The following TNFRSF10D variants were observed in gnomAD, a reference collection of about 807,000 sequenced individuals.
TNFRSF10D encodes tumor necrosis factor receptor superfamily member 10D.
TNFRSF10D carries 28 observed loss-of-function variants against 42.1 expected under a neutral mutation model. The ratio of observed to expected loss-of-function variants is 0.66; its 90% confidence interval spans 0.49 to 0.91. The LOEUF (loss-of-function observed/expected upper bound fraction) is 0.91, where lower values mean the gene tolerates loss of function less well. TNFRSF10D is among the 40% of genes least tolerant of loss of function. TNFRSF10D has a pLI of 0.00. For missense variants in TNFRSF10D, 503 were observed against 486.1 expected, an observed-to-expected ratio of 1.03 and a Z score of -0.33; for synonymous variants, 186 against 189.4, an observed-to-expected ratio of 0.98 and a Z score of 0.15.
At chr8:23,153,233 A>C (rs1168468720) in intron 2 of TNFRSF10D, among the ~76,000 whole-genome samples, 1 of 152,086 alleles carries the variant, frequency 6.6e-6, no homozygotes, top group Non-Finnish European at 1.5e-5. Context: ...ACATGGACTA[A>C]AGATTAAACA....
chr8:23,149,034 C>G (rs1416701788), intron 2 of TNFRSF10D, among the ~76,000 whole-genome samples: 1 of 150,564 alleles, frequency 6.6e-6, no homozygotes, highest in Non-Finnish European at 1.5e-5. Flanking sequence ...ACTAAAAATA[C>G]AAAAAATTAG....
At position 23,164,010 on chromosome 8, in the gene TNFRSF10D, G is replaced by T. The variant is rs1398934599; in HGVS notation, c.-75C>A. 3 of 1,459,290 alleles carry T rather than the reference G, an allele frequency of 2.1e-6. No homozygotes were observed. The East Asian group carries it at 7.8e-5, about 38-fold the overall frequency. 90.4% of individuals were successfully genotyped at this position (1,459,290 alleles called of 1,614,324 possible). On this transcript the variant is annotated 5_prime_UTR_variant, in exon 1 of 9. Transcript: ENST00000312584. ...TCCCCGTAGTTTGTGCGCGTGCAAA[G>T]GTTCTCGCAGCTACACTGCCAGAAT...
intron 1 of TNFRSF10D, among the ~76,000 whole-genome samples, chr8:23,156,998 AT>A (rs1203037922): frequency 1.3e-5 from 2 of 152,120 alleles, no homozygotes; most frequent in East Asian, 3.9e-4. Flanking sequence ...AATTTCACAT[AT>A]TTTTCTTTTT....
intron 2 of TNFRSF10D, among the ~76,000 whole-genome samples, chr8:23,151,535 ATTAC>A (rs1357048328): frequency 6.6e-6 from 1 of 151,876 alleles, no homozygotes; most frequent in Non-Finnish European, 1.5e-5. Flanking sequence ...TAGTGTACAA[ATTAC>A]TTACATCATT....
chr8:23,145,838 G>A lies in TNFRSF10D; in HGVS notation c.566C>T (p.Thr189Ile), dbSNP rs756043189. 6.8e-6 allele frequency: 11 copies of A among 1,614,106 alleles called. No individual in the cohort carries two copies. The highest frequency in any genetic ancestry group is 9.3e-6 in the Non-Finnish European group (11 of 1,180,040). The change falls in exon 5 of 9, where the codon ACT (threonine) becomes ATT (isoleucine). Residue 189 changes from threonine to isoleucine, a missense_variant. Transcript: ENST00000312584. Reference sequence around the variant, plus strand: ...CTCCTCCGCTGCTGGGGTTTTCCCAGTGGAACTGGCAGCTGATTCATTTTT... The same window carrying A: ...CTCCTCCGCTGCTGGGGTTTTCCCAATGGAACTGGCAGCTGATTCATTTTT... ...KCKNESAASSTGKTPAAEETV... is the reference protein window; with the variant it reads ...KCKNESAASSIGKTPAAEETV...
intron 7 of TNFRSF10D, among the ~76,000 whole-genome samples, chr8:23,140,091 C>A (rs1462188905): frequency 6.6e-6 from 1 of 152,230 alleles, no homozygotes; most frequent in East Asian, 1.9e-4. Context: ...AGATCGAGAC[C>A]ATCCTGGCTA....
At chr8:23,139,764 T>C (rs1263266205) in intron 7 of TNFRSF10D, among the ~76,000 whole-genome samples, 3 of 152,166 alleles carry the variant, frequency 2.0e-5, no homozygotes, top group South Asian at 2.1e-4. Context: ...TATGATTCTA[T>C]ACCTTGGAAA....
chr8:23,151,305 T>C (rs1800209601), intron 2 of TNFRSF10D, among the ~76,000 whole-genome samples: 2 of 151,970 alleles, frequency 1.3e-5, no homozygotes, highest in South Asian at 4.1e-4. Flanking sequence ...CTGGCAAGCC[T>C]GTCCTTTAGA....
chr8:23,144,305 G>T, intron 7 of TNFRSF10D, 145 bp downstream of exon 7: 2 of 900,042 alleles, frequency 2.2e-6, no homozygotes, highest in Non-Finnish European at 3.3e-6. Flanking sequence ...CCTCAGTGCA[G>T]CTGCTCCGTC....
chr8:23,146,972 C>A lies in TNFRSF10D; in HGVS notation c.471G>T (p.Thr157=). 6.2e-7 allele frequency: 1 copy of A among 1,614,044 alleles called. No homozygotes were observed. Among genetic ancestry groups the A allele is most frequent in the Non-Finnish European group, 8.5e-7 (1 of 1,179,884 alleles). The change falls in exon 4 of 9, where the codon ACG becomes ACT. Residue 157 remains threonine, a synonymous_variant. Transcript: ENST00000312584. ...GGCTGCTGTCTTACCCTGTTCTACA[C>A]GTCCGGCACATCTCAGGGGAGTTTT... ...QDKNSPEMCR[T]CRTGCPRGMV... is the part of the protein sequence containing the mutation.
chr8:23,149,993 C>T (rs1800194225), intron 2 of TNFRSF10D, among the ~76,000 whole-genome samples: 1 of 152,120 alleles, frequency 6.6e-6, no homozygotes, highest in South Asian at 2.1e-4. Context: ...CCAACATGTC[C>T]CTATGGAATA....
intron 8 of TNFRSF10D, 51 bp from the exon 9 acceptor site, chr8:23,138,054 A>G: frequency 3.7e-6 from 6 of 1,610,280 alleles, no homozygotes; most frequent in Non-Finnish European, 5.1e-6. Flanking sequence ...GACGATCAGC[A>G]CAGGATCGAC....
chr8:23,155,712 A>G (rs1204204831), intron 1 of TNFRSF10D, among the ~76,000 whole-genome samples: 1 of 151,330 alleles, frequency 6.6e-6, no homozygotes, highest in African/African-American at 2.4e-5. Flanking sequence ...AAAAAAAAAC[A>G]AAAAACAAAA....
chr8:23,139,815 G>A (rs1447155721), intron 7 of TNFRSF10D, among the ~76,000 whole-genome samples: 1 of 152,104 alleles, frequency 6.6e-6, no homozygotes, highest in Non-Finnish European at 1.5e-5. Flanking sequence ...ACTAATAAAC[G>A]ACTTCAGCAA....
intron 5 of TNFRSF10D, 138 bp from the exon 6 acceptor site, chr8:23,145,227 C>G (rs990151145): frequency 6.6e-6 from 7 of 1,064,510 alleles, no homozygotes; most frequent in Middle Eastern, 2.1e-4. Context: ...AGAATGGGGC[C>G]TTGCAATTAG....
chr8:23,157,320 C>T (rs1220675642), intron 1 of TNFRSF10D, among the ~76,000 whole-genome samples: 2 of 152,144 alleles, frequency 1.3e-5, no homozygotes, highest in Non-Finnish European at 2.9e-5. Context: ...TTTTACCTTC[C>T]CTTTTGATTT....
intron 5 of TNFRSF10D, 63 bp from the exon 6 acceptor site, chr8:23,145,152 G>C: frequency 5.0e-6 from 8 of 1,607,312 alleles, no homozygotes; most frequent in Non-Finnish European, 6.8e-6. Context: ...CCCTCCCAGA[G>C]GACAGTGGGG....
At chr8:23,151,093 T>A (rs7014131) in intron 2 of TNFRSF10D, among the ~76,000 whole-genome samples, 26,251 of 151,768 alleles carry the variant, frequency 0.17, 2,451 homozygotes, top group South Asian at 0.37. Flanking sequence ...TATGAAGAGA[T>A]CTTCACCAAG....
intron 3 of TNFRSF10D, 106 bp downstream of exon 3, chr8:23,148,332 A>T: frequency 1.5e-6 from 1 of 658,630 alleles, no homozygotes; most frequent in Non-Finnish European, 2.7e-6. Flanking sequence ...CATGATGAAG[A>T]CTACCAAGTT....
Sources: allele counts gnomAD v4.1 joint callset (sites outside exome capture counted in the v4.1 genomes callset), GRCh38; gene constraint gnomAD v4.1.1; transcripts MANE v1.5; gene names NCBI Gene and HGNC (gene_info 2026-07-23, HGNC 2026-07-21).